Variants in CRLF3 observed in about 807,000 individuals in gnomAD.
The protein encoded by CRLF3 is cytokine receptor-like factor 3.
CRLF3 carries 33 observed loss-of-function variants against 55.0 expected under a neutral mutation model. That is an observed-to-expected ratio of 0.60 (90% CI 0.46 to 0.80). CRLF3 has a LOEUF of 0.80. Among genes scored for constraint, CRLF3 ranks in the 30% least tolerant of loss-of-function variants. The pLI, the probability that CRLF3 is intolerant of heterozygous loss-of-function variation, is 0.00. For missense variants in CRLF3, 494 were observed against 538.4 expected, an observed-to-expected ratio of 0.92 and a Z score of 0.82; for synonymous variants, 238 against 196.8, an observed-to-expected ratio of 1.21 and a Z score of -1.75.
intron 2 of CRLF3, among the ~76,000 whole-genome samples, chr17:30,800,600 T>C (rs1971991357): frequency 6.7e-6 from 1 of 149,570 alleles, no homozygotes; most frequent in African/African-American, 2.5e-5. Context: ...TCAATAATTC[T>C]ACTTCTTAAA....
At chr17:30,788,421 AG>A (rs1209693171) in intron 6 of CRLF3, among the ~76,000 whole-genome samples, 2 of 151,702 alleles carry the variant, frequency 1.3e-5, no homozygotes, top group East Asian at 3.9e-4. Context: ...ATGTTCACAT[AG>A]GAAGTGAGGG....
intron 2 of CRLF3, among the ~76,000 whole-genome samples, chr17:30,799,559 T>C (rs1971973622): frequency 6.6e-6 from 1 of 151,748 alleles, no homozygotes; most frequent in Admixed American, 6.6e-5. Context: ...GATGGAGTCT[T>C]GCTCTTGTCG....
chr17:30,814,372 G>A (rs372765275), intron 1 of CRLF3, among the ~76,000 whole-genome samples: 2 of 152,230 alleles, frequency 1.3e-5, no homozygotes, highest in East Asian at 1.9e-4. Flanking sequence ...AATAGTTATC[G>A]GCCAGGAGCA....
rs1412731067 is a variant in CRLF3, at chr17:30,782,783, T to A, written c.*1404A>T. 6 of 152,168 alleles carry A rather than the reference T, an allele frequency of 3.9e-5. No individual in the cohort carries two copies. Among genetic ancestry groups the A allele is most frequent in the South Asian group, 2.1e-4 (1 of 4,834 alleles). 9.4% of individuals were successfully genotyped at this position (152,168 alleles called of 1,614,324 possible). On this transcript the variant is annotated 3_prime_UTR_variant, in exon 8 of 8. Coordinates refer to ENST00000324238, the MANE Select transcript of CRLF3 (RefSeq NM_015986.4). Reference sequence around the variant, plus strand: ...CCTAAACAAGTGGAAATCTACTACTTATATATAAAAAGACAAGTAGAAAAG... The same window carrying A: ...CCTAAACAAGTGGAAATCTACTACTAATATATAAAAAGACAAGTAGAAAAG...
intron 6 of CRLF3, 156 bp downstream of exon 6, chr17:30,792,282 GAA>G (rs1294069364): frequency 1.7e-6 from 1 of 584,650 alleles, no homozygotes. Flanking sequence ...ATACAGATGA[GAA>G]AACTACAGCT....
intron 1 of CRLF3, among the ~76,000 whole-genome samples, chr17:30,820,082 A>G (rs1904942415): frequency 6.6e-6 from 1 of 152,244 alleles, no homozygotes; most frequent in Admixed American, 6.5e-5. Context: ...TTTCAACATC[A>G]GCTAGGCCAA....
intron 1 of CRLF3, 146 bp from the exon 2 acceptor site, chr17:30,804,254 T>C (rs1972051590): frequency 3.2e-6 from 2 of 632,148 alleles, no homozygotes; most frequent in Non-Finnish European, 5.5e-6. Flanking sequence ...ATTTAAGGTG[T>C]GATATTTTGA....
chr17:30,788,971 CTAAA>C (rs1971719388), intron 6 of CRLF3, among the ~76,000 whole-genome samples: 2 of 152,248 alleles, frequency 1.3e-5, no homozygotes, highest in African/African-American at 2.4e-5. Flanking sequence ...CCTCAAAAAA[CTAAA>C]TATTGTTTCT....
At chr17:30,807,673 C>T (rs952343884) in intron 1 of CRLF3, among the ~76,000 whole-genome samples, 4 of 151,798 alleles carry the variant, frequency 2.6e-5, no homozygotes, top group Admixed American at 2.0e-4. Context: ...GCTGAGATTA[C>T]AGGCGCATGC....
rs1188417647 is a variant in CRLF3, at chr17:30,783,019, G to GT, written c.*1167dup. Reference sequence around the variant, plus strand: ...ATATTTTACACACAAATTTAAGTAAGTTTTTAAAAAAAATAAGTATTTACG... The same window carrying GT: ...ATATTTTACACACAAATTTAAGTAAGTTTTTTAAAAAAAATAAGTATTTACG... On this transcript the variant is annotated 3_prime_UTR_variant, in exon 8 of 8. Coordinates refer to ENST00000324238, the MANE Select transcript of CRLF3 (RefSeq NM_015986.4). The GT allele has an allele frequency of 1.3e-5, 2 of 151,986 alleles. No homozygotes were observed. The highest frequency in any genetic ancestry group is 2.4e-5 in the African/African-American group (1 of 41,384). The allele number at this position is 151,986 out of a possible 1,614,324, so 9.4% of individuals were successfully genotyped here.
chr17:30,814,275 G>A (rs1305645306), intron 1 of CRLF3, among the ~76,000 whole-genome samples: 1 of 149,804 alleles, frequency 6.7e-6, no homozygotes. Context: ...AATAATAATA[G>A]TAATAACAAT....
chr17:30,808,303 T>G (rs1597927531), intron 1 of CRLF3, among the ~76,000 whole-genome samples: 3 of 80,528 alleles, frequency 3.7e-5, no homozygotes, highest in Admixed American at 1.4e-4. Flanking sequence ...TTTTTTTTTT[T>G]GGAGATGGAG....
chr17:30,818,907 C>T (rs1904898542), intron 1 of CRLF3, among the ~76,000 whole-genome samples: 1 of 151,828 alleles, frequency 6.6e-6, no homozygotes, highest in Admixed American at 6.6e-5. Context: ...CCTCCATCTC[C>T]CAGGTATAAG....
At chr17:30,790,416 AAG>A (rs1232690248) in intron 6 of CRLF3, among the ~76,000 whole-genome samples, 2 of 152,112 alleles carry the variant, frequency 1.3e-5, no homozygotes, top group African/African-American at 2.4e-5. Flanking sequence ...AACAAGAAAA[AAG>A]AAACTTTTCC....
At chr17:30,792,799 A>C in intron 5 of CRLF3, 1 of 359,324 alleles carries the variant, frequency 2.8e-6, no homozygotes, top group Non-Finnish European at 4.9e-6. Context: ...CACAAGTGTT[A>C]TCTCTTATCT....
chr17:30,791,496 T>G lies in CRLF3; in HGVS notation c.959+944A>C, dbSNP rs150161174. Among the ~76,000 whole-genome samples, 628 of 139,408 alleles carry G rather than the reference T, an allele frequency of 4.5e-3. 1 individual carries two copies. The highest frequency in any genetic ancestry group is 0.016 in the African/African-American group (606 of 37,256). 91.5% of individuals were successfully genotyped at this position (139,408 alleles called of 152,430 possible). Reference sequence around the variant, plus strand: ...TGCTGGGATTACAAGTGTGAGCCACTGCGTCCAGTCTCTTGGCCTCTAAAA... The same window carrying G: ...TGCTGGGATTACAAGTGTGAGCCACGGCGTCCAGTCTCTTGGCCTCTAAAA... On this transcript the variant is annotated intron_variant, in intron 6 of 7. Coordinates refer to ENST00000324238, the MANE Select transcript of CRLF3 (RefSeq NM_015986.4).
chr17:30,791,557 G>A (rs1440894444), intron 6 of CRLF3, among the ~76,000 whole-genome samples: 2 of 144,926 alleles, frequency 1.4e-5, no homozygotes, highest in Admixed American at 7.1e-5. Context: ...TTGCTGTGTC[G>A]CCCAGGCTGG....
At chr17:30,820,060 T>C (rs1183738872) in intron 1 of CRLF3, among the ~76,000 whole-genome samples, 1 of 152,232 alleles carries the variant, frequency 6.6e-6, no homozygotes, top group Non-Finnish European at 1.5e-5. Context: ...TATAGAGAAC[T>C]ATTCTTAATG....
At chr17:30,803,383 T>C (rs1567664579) in intron 2 of CRLF3, among the ~76,000 whole-genome samples, 1 of 152,184 alleles carries the variant, frequency 6.6e-6, no homozygotes, top group Non-Finnish European at 1.5e-5. Flanking sequence ...CCTAACGGTA[T>C]ATCTGTCATC....
Sources: gnomAD v4.1 joint callset for allele counts (sites outside exome capture counted in the v4.1 genomes callset) on GRCh38, gnomAD v4.1.1 for gene constraint, MANE v1.5 for transcripts, NCBI Gene and HGNC (gene_info 2026-07-23, HGNC 2026-07-21) for gene names.